The following TNFSF4 variants were observed in gnomAD, a reference collection of about 807,000 sequenced individuals.
TNFSF4 encodes TNF superfamily member 4.
In TNFSF4, 4 loss-of-function variants were observed where a neutral mutation model predicts 7.3. That is an observed-to-expected ratio of 0.55 (90% CI 0.27 to 1.25). TNFSF4 has a LOEUF of 1.25. Ranked by LOEUF, TNFSF4 falls within the 50% of genes most tolerant of loss-of-function variation. The pLI, the probability that TNFSF4 is intolerant of heterozygous loss-of-function variation, is 0.12. For missense variants in TNFSF4, 181 were observed against 208.8 expected (o/e 0.87, Z 0.82); for synonymous variants, 76 against 83.7 (o/e 0.91, Z 0.50).
the TNFSF4 span, among the ~76,000 whole-genome samples, chr1:173,419,363 G>C: frequency 6.7e-6 from 1 of 149,138 alleles, no homozygotes; most frequent in Non-Finnish European, 1.5e-5. Context: ...AAAAAAAGAA[G>C]AGTTAGAGTA....
At chr1:173,440,399 G>T in the TNFSF4 span, 1 of 152,078 alleles carries the variant, frequency 6.6e-6, no homozygotes, top group Middle Eastern at 3.4e-3. Context: ...TTCCCAATGG[G>T]GTGGGGGAGG....
At chr1:173,269,387 C>T in the TNFSF4 span, among the ~76,000 whole-genome samples, 1 of 152,076 alleles carries the variant, frequency 6.6e-6, no homozygotes, top group African/African-American at 2.4e-5. Flanking sequence ...GTGTTAGCAA[C>T]CTCAACATAC....
chr1:173,348,244 C>T, the TNFSF4 span, among the ~76,000 whole-genome samples: 1 of 152,162 alleles, frequency 6.6e-6, no homozygotes, highest in South Asian at 2.1e-4. Flanking sequence ...TTCCCCCATA[C>T]TGTTCTCGTG....
chr1:173,229,429 G>T, the TNFSF4 span, among the ~76,000 whole-genome samples: 1 of 152,286 alleles, frequency 6.6e-6, no homozygotes, highest in African/African-American at 2.4e-5. Flanking sequence ...GCTCCTGAAG[G>T]AAGCACTAAA....
the TNFSF4 span, among the ~76,000 whole-genome samples, chr1:173,437,059 G>T: frequency 6.6e-6 from 1 of 152,162 alleles, no homozygotes; most frequent in East Asian, 1.9e-4. Flanking sequence ...AGGCTCAGGT[G>T]AGCATCACTG....
the TNFSF4 span, among the ~76,000 whole-genome samples, chr1:173,432,105 C>T: frequency 6.6e-6 from 1 of 152,166 alleles, no homozygotes; most frequent in African/African-American, 2.4e-5. Context: ...TAGCATTTGG[C>T]ACGTAATAAT....
At chr1:173,450,365 A>C in the TNFSF4 span, among the ~76,000 whole-genome samples, 1 of 152,146 alleles carries the variant, frequency 6.6e-6, no homozygotes, top group Non-Finnish European at 1.5e-5. Context: ...TGTGGAAGAA[A>C]TAATAATTTT....
At chr1:173,189,095 A>C (rs59281904) in intron 1 of TNFSF4, among the ~76,000 whole-genome samples, 1 of 152,230 alleles carries the variant, frequency 6.6e-6, no homozygotes, top group African/African-American at 2.4e-5. Context: ...ATCTCTTAAG[A>C]TAAATTAGGA....
the TNFSF4 span, chr1:173,175,580 A>G: frequency 6.6e-6 from 1 of 152,174 alleles, no homozygotes; most frequent in Non-Finnish European, 1.5e-5. Context: ...GGCCCCCTGA[A>G]AAGGAAGCTT....
chr1:173,177,444 G>A, the TNFSF4 span, among the ~76,000 whole-genome samples: 1 of 152,244 alleles, frequency 6.6e-6, no homozygotes, highest in East Asian at 1.9e-4. Flanking sequence ...GCCTACTTGA[G>A]GGTAGAGTGT....
chr1:173,262,760 G>A, the TNFSF4 span, among the ~76,000 whole-genome samples: 19 of 151,870 alleles, frequency 1.3e-4, no homozygotes, highest in Admixed American at 1.2e-3. Context: ...CTGCCACCGC[G>A]CCTGGCTAAT....
At chr1:173,344,877 T>C in the TNFSF4 span, among the ~76,000 whole-genome samples, 2 of 152,214 alleles carry the variant, frequency 1.3e-5, no homozygotes, top group Non-Finnish European at 2.9e-5. Context: ...AGTATTTCCA[T>C]TGAATCATTG....
At chr1:173,446,255 A>T in the TNFSF4 span, among the ~76,000 whole-genome samples, 1 of 152,164 alleles carries the variant, frequency 6.6e-6, no homozygotes, top group South Asian at 2.1e-4. Context: ...TGGCAGAATA[A>T]TAGAAACTAT....
At chr1:173,415,340 A>G in the TNFSF4 span, among the ~76,000 whole-genome samples, 2 of 152,244 alleles carry the variant, frequency 1.3e-5, no homozygotes, top group East Asian at 1.9e-4. Context: ...GTGACACCTG[A>G]AAGTCCCATG....
the TNFSF4 span, among the ~76,000 whole-genome samples, chr1:173,212,785 A>G: frequency 6.6e-6 from 1 of 152,086 alleles, no homozygotes; most frequent in Admixed American, 6.5e-5. Flanking sequence ...GTATCAAAAT[A>G]TCTTACATAC....
chr1:173,428,237 G>A, the TNFSF4 span, among the ~76,000 whole-genome samples: 2 of 152,142 alleles, frequency 1.3e-5, no homozygotes, highest in East Asian at 1.9e-4. Flanking sequence ...GAGCCACCAC[G>A]CCCGACCTCT....
the TNFSF4 span, among the ~76,000 whole-genome samples, chr1:173,390,759 T>TTG: frequency 6.6e-6 from 1 of 150,716 alleles, no homozygotes; most frequent in African/African-American, 2.4e-5. Context: ...TCTTTTTTTT[T>TTG]TTTGAGATAG....
the TNFSF4 span, among the ~76,000 whole-genome samples, chr1:173,216,162 C>T: frequency 6.6e-6 from 1 of 152,278 alleles, no homozygotes; most frequent in African/African-American, 2.4e-5. Flanking sequence ...CATCTTAAAA[C>T]ATACATGAGT....
chr1:173,299,530 A>AT, the TNFSF4 span, among the ~76,000 whole-genome samples: 3 of 151,776 alleles, frequency 2.0e-5, no homozygotes, highest in African/African-American at 7.3e-5. Flanking sequence ...ATTCAAACAA[A>AT]TCCCCTTGAA....
Sources: allele counts gnomAD v4.1 joint callset (sites outside exome capture counted in the v4.1 genomes callset), GRCh38; gene constraint gnomAD v4.1.1; transcripts MANE v1.5; gene names NCBI Gene and HGNC (gene_info 2026-07-23, HGNC 2026-07-21).